GAK: variants seen among roughly 807,000 people sequenced by gnomAD.
GAK encodes the protein cyclin-G-associated kinase.
Under a neutral mutation model 143.9 loss-of-function variants are expected in GAK, and 79 were observed. The ratio of observed to expected loss-of-function variants is 0.55; its 90% confidence interval spans 0.46 to 0.66. The LOEUF (loss-of-function observed/expected upper bound fraction) is 0.66. Ranked by LOEUF, GAK falls within the 30% of genes least tolerant of loss-of-function variation. GAK has a pLI of 0.00. For missense variants in GAK, 1,693 were observed against 1,779.7 expected, an observed-to-expected ratio of 0.95 and a Z score of 0.88; for synonymous variants, 881 against 765.5, an observed-to-expected ratio of 1.15 and a Z score of -2.49.
chr4:905,020 T>C (rs1312745181), intron 4 of GAK, among the ~76,000 whole-genome samples: 3 of 152,236 alleles, frequency 2.0e-5, no homozygotes, highest in Non-Finnish European at 4.4e-5. Context: ...TGTCTTCTGA[T>C]TGCTTTTCGT....
At chr4:903,540 C>T (rs918561527) in intron 5 of GAK, among the ~76,000 whole-genome samples, 2 of 152,040 alleles carry the variant, frequency 1.3e-5, no homozygotes, top group Admixed American at 6.5e-5. Flanking sequence ...AAGGAAGGGG[C>T]ACTGGGTGAG....
chr4:861,310 G>C (rs1351749859), intron 23 of GAK, among the ~76,000 whole-genome samples: 1 of 152,214 alleles, frequency 6.6e-6, no homozygotes, highest in Non-Finnish European at 1.5e-5. Context: ...GCAGAGGAAG[G>C]CCGGGTGCAG....
At chr4:902,098 C>T (rs1412637056) in intron 5 of GAK, among the ~76,000 whole-genome samples, 2 of 151,958 alleles carry the variant, frequency 1.3e-5, no homozygotes, top group East Asian at 1.9e-4. Context: ...ATTAGCCCGG[C>T]GTGGTGGCAT....
chr4:866,911 C>T, intron 21 of GAK, 45 bp downstream of exon 21: 1 of 1,345,796 alleles, frequency 7.4e-7, no homozygotes, highest in Non-Finnish European at 1.0e-6. Context: ...AGCCTCATCA[C>T]TCATCTACTG....
At chr4:912,901 C>T in intron 2 of GAK, 107 bp from the exon 3 acceptor site, 1 of 836,482 alleles carries the variant, frequency 1.2e-6, no homozygotes, top group Non-Finnish European at 1.9e-6. Context: ...TGCAATGTGT[C>T]TAATACAGCT....
chr4:856,940 G>A (rs983691374), intron 24 of GAK, among the ~76,000 whole-genome samples: 1 of 152,200 alleles, frequency 6.6e-6, no homozygotes, highest in Non-Finnish European at 1.5e-5. Context: ...CTGGCTGACA[G>A]TGCTGCCATA....
intron 4 of GAK, among the ~76,000 whole-genome samples, chr4:910,197 C>T (rs955184347): frequency 4.6e-5 from 7 of 152,164 alleles, no homozygotes; most frequent in African/African-American, 9.7e-5. Context: ...CAGGTGCAGC[C>T]GCTATATCCA....
Position 849,450 on chromosome 4 carries a change from GA to G in GAK, c.*222del. The G allele has an allele frequency of 1.8e-6, 1 of 570,226 alleles. No homozygotes were observed. The highest frequency in any genetic ancestry group is 1.9e-5 in the African/African-American group (1 of 53,510). 35.3% of individuals were successfully genotyped at this position (570,226 alleles called of 1,614,324 possible). A position where few individuals can be genotyped will look rare whatever the true frequency, so the allele number is the denominator to read the frequency against. ...GACGTGACAATTGCGGGAGGAGCAT[GA>G]ATCAGCTGTTCCTTCGGGAGGAGAA... On this transcript the variant is annotated 3_prime_UTR_variant, in exon 28 of 28. Transcript: ENST00000314167.
chr4:883,128 A>T (rs1268873901), intron 13 of GAK, among the ~76,000 whole-genome samples, 187 bp downstream of exon 13: 2 of 152,194 alleles, frequency 1.3e-5, no homozygotes, highest in Non-Finnish European at 2.9e-5. Flanking sequence ...AGTTCCCGGC[A>T]AGCGGCATCC....
intron 5 of GAK, among the ~76,000 whole-genome samples, chr4:900,171 G>A (rs931282028): frequency 2.6e-5 from 4 of 152,192 alleles, no homozygotes; most frequent in Middle Eastern, 3.2e-3. Flanking sequence ...GAAGCTGTGC[G>A]CACAGCAGGA....
At chr4:917,332 CA>C (rs999765122) in intron 1 of GAK, among the ~76,000 whole-genome samples, 1 of 150,540 alleles carries the variant, frequency 6.6e-6, no homozygotes, top group African/African-American at 2.4e-5. Context: ...AATGCCAGGC[CA>C]AAAAAAGAGA....
intron 11 of GAK, among the ~76,000 whole-genome samples, chr4:885,482 C>T (rs1429339757): frequency 6.6e-6 from 1 of 152,176 alleles, no homozygotes; most frequent in Non-Finnish European, 1.5e-5. Flanking sequence ...CATTGAGTGC[C>T]ACAGGATCCA....
chr4:868,639 A>G lies in GAK; in HGVS notation c.2295T>C (p.Asp765=). 1 of 1,567,184 alleles carries G rather than the reference A, an allele frequency of 6.4e-7. No individual in the cohort carries two copies. Among genetic ancestry groups the G allele is most frequent in the Non-Finnish European group, 8.6e-7 (1 of 1,156,654 alleles). ...PRQPGSTAQY[D]AGAGSPEAEP... ...CGGCTTCCGGGGACCCTGCCCCAGC[A>G]TCATACTGAGCCGTGGAGCCAGGCT... is the stretch of plus-strand genomic sequence containing the variant. Residue 765 remains aspartate (D), a synonymous_variant, in exon 20 of 28, where the codon GAT becomes GAC. Coordinates refer to ENST00000314167, the MANE Select transcript of GAK (RefSeq NM_005255.4).
At position 904,782 on chromosome 4, in the gene GAK, A is replaced by G; in HGVS notation, c.383-3T>C. ...CTTCAAAAATTCCACCAGCTGCCCT[A>G]AAAGAGAATGAAACTCACATGGAGG... is the stretch of plus-strand genomic sequence containing the variant. On this transcript the variant is annotated splice_polypyrimidine_tract_variant and splice_region_variant and intron_variant, in intron 4 of 27. Coordinates refer to ENST00000314167, the MANE Select transcript of GAK (RefSeq NM_005255.4). 6.2e-7 allele frequency: 1 copy of G among 1,613,678 alleles called. No individual in the cohort carries two copies. The highest frequency in any genetic ancestry group is 1.7e-4 in the Middle Eastern group (1 of 6,056).
rs550206482 is a variant in GAK at position 912,006 on chromosome 4, G to C, written c.268-219C>G. Reference sequence around the variant, plus strand: ...AGCTGCAGGAGAGGGCGGGGACAAAGGCAGGCACACCGGCCACACACACCT... The same window carrying C: ...AGCTGCAGGAGAGGGCGGGGACAAACGCAGGCACACCGGCCACACACACCT... On this transcript the variant is annotated intron_variant, in intron 3 of 27. Transcript: ENST00000314167. 3 of 512,132 alleles carry C rather than the reference G, an allele frequency of 5.9e-6. No homozygotes were observed. In the Admixed American group the frequency reaches 6.8e-5, roughly 12 times the overall value. The allele number at this position is 512,132 out of a possible 1,614,324, so 31.7% of individuals were successfully genotyped here. A position where few individuals can be genotyped will look rare whatever the true frequency, so the allele number is the denominator to read the frequency against.
Position 882,031 on chromosome 4 carries a change from C to A in GAK, c.1537G>T (p.Ala513Ser). The change falls in exon 15 of 28, where the codon GCC becomes TCC. Residue 513 changes from alanine (A) to serine (S), a missense_variant. Ala to Ser is a moderately conservative substitution (Grantham distance 99, BLOSUM62 1). Coordinates refer to ENST00000314167, the MANE Select transcript of GAK (RefSeq NM_005255.4). ...VCVVHCMDGR[A>S]ASAVAVCSFL... ...GAGCAGACGGCCACAGCAGACGCGG[C>A]TCTCCCGTCCTAGGACAGACAGACA... The A allele has an allele frequency of 1.2e-6, 2 of 1,604,246 alleles. No homozygotes were observed.
intron 18 of GAK, among the ~76,000 whole-genome samples, chr4:872,053 A>G (rs1577102781): frequency 6.6e-6 from 1 of 152,226 alleles, no homozygotes; most frequent in African/African-American, 2.4e-5. Context: ...CACCCAGAGC[A>G]GAGTGGGATC....
intron 4 of GAK, among the ~76,000 whole-genome samples, chr4:909,532 A>G (rs552253346): frequency 2.4e-4 from 37 of 152,268 alleles, no homozygotes; most frequent in Admixed American, 1.4e-3. Context: ...GCGGCGTGTC[A>G]GGGATGGGAG....
At chr4:851,572 G>C in intron 25 of GAK, 178 bp downstream of exon 25, 1 of 642,276 alleles carries the variant, frequency 1.6e-6, no homozygotes, top group Non-Finnish European at 2.7e-6. Flanking sequence ...GGACCCAGAG[G>C]CCTGACCCAG....
Sources: allele counts gnomAD v4.1 joint callset (sites outside exome capture counted in the v4.1 genomes callset), GRCh38; gene constraint gnomAD v4.1.1; transcripts MANE v1.5; gene names NCBI Gene and HGNC (gene_info 2026-07-23, HGNC 2026-07-21).